The following FBN2 variants were observed in gnomAD, a reference collection of about 807,000 sequenced individuals.
The protein encoded by FBN2 is fibrillin 2, also known as fibrillin-2.
FBN2 carries 105 observed loss-of-function variants against 355.6 expected under a neutral mutation model. The observed-to-expected ratio is 0.30, with a 90% CI of 0.25 to 0.35. FBN2 has a LOEUF of 0.35. Among genes scored for constraint, FBN2 ranks in the 10% least tolerant of loss-of-function variants. FBN2 has a pLI of 1.00. For missense variants in FBN2, 3,280 were observed against 3,758.7 expected, an observed-to-expected ratio of 0.87 and a Z score of 3.33; for synonymous variants, 1,350 against 1,301.2, an observed-to-expected ratio of 1.04 and a Z score of -0.81.
chr5:128,309,732 A>G (rs1749980995), intron 40 of FBN2, among the ~76,000 whole-genome samples: 1 of 152,192 alleles, frequency 6.6e-6, no homozygotes, highest in Admixed American at 6.5e-5. Flanking sequence ...CACTATATGA[A>G]TGGAGATGAA....
intron 7 of FBN2, among the ~76,000 whole-genome samples, chr5:128,426,309 T>C (rs1753482409): frequency 6.6e-6 from 1 of 152,198 alleles, no homozygotes; most frequent in Non-Finnish European, 1.5e-5. Context: ...AAAACCTTCA[T>C]ATTTGAAATT....
At chr5:128,532,126 C>T (rs977069876) in intron 2 of FBN2, among the ~76,000 whole-genome samples, 4 of 152,188 alleles carry the variant, frequency 2.6e-5, no homozygotes, top group African/African-American at 4.8e-5. Context: ...AAGGGTTCCA[C>T]ACACATTCCT....
At chr5:128,443,869 T>C (rs1348979378) in intron 7 of FBN2, among the ~76,000 whole-genome samples, 1 of 152,136 alleles carries the variant, frequency 6.6e-6, no homozygotes, top group Non-Finnish European at 1.5e-5. Context: ...GTAATTGCTA[T>C]AGTTATATTT....
In FBN2 at chr5:128,378,837, G is replaced by A; in HGVS notation, c.1657C>T (p.Pro553Ser). The A allele has an allele frequency of 6.2e-7, 1 of 1,613,088 alleles. No individual in the cohort carries two copies. Among genetic ancestry groups the A allele is most frequent in the Non-Finnish European group, 8.5e-7 (1 of 1,179,252 alleles). The change falls in exon 12 of 65, where the codon CCT becomes TCT. Residue 553 changes from proline to serine, a missense_variant. Physicochemically the swap from Pro to Ser is moderately conservative, Grantham distance 74. Transcript: ENST00000262464. ...PCTNGDCVNTPGSYYCKCHAG... is the reference protein window; with the variant it reads ...PCTNGDCVNTSGSYYCKCHAG... ...TGACATTTACAATAATAGGAACCAG[G>A]TGTGTTAACACAATCTCCATTAGTG...
chr5:128,303,872 CAAG>C (rs1197371662), intron 45 of FBN2, among the ~76,000 whole-genome samples: 1 of 152,082 alleles, frequency 6.6e-6, no homozygotes, highest in Non-Finnish European at 1.5e-5. Context: ...GGGAGTACAG[CAAG>C]AAGAAGCATG....
rs562910107 is a variant in FBN2, at chr5:128,444,256, TAG to T, written c.952+2223_952+2224del. On this transcript the variant is annotated intron_variant, in intron 7 of 64. Transcript: ENST00000262464. Reference sequence around the variant, plus strand: ...CCCGGCTAATTTTTTGTATTTTTAGTAGAGACAGGGTTTCACCTTGTTAGCCA... The same window carrying T: ...CCCGGCTAATTTTTTGTATTTTTAGTAGACAGGGTTTCACCTTGTTAGCCA... Among the ~76,000 whole-genome samples the T allele has an allele frequency of 1.9e-3, 282 of 151,424 alleles. 2 individuals are homozygous for T. Among genetic ancestry groups the T allele is most frequent in the Admixed American group, 3.3e-3 (50 of 15,208 alleles).
At chr5:128,392,988 G>C (rs1752557387) in intron 10 of FBN2, 147 bp downstream of exon 10, 2 of 686,616 alleles carry the variant, frequency 2.9e-6, no homozygotes, top group Non-Finnish European at 5.2e-6. Flanking sequence ...TTTTCCCTCT[G>C]TCTCTCTCTC....
At chr5:128,473,796 G>A (rs1019502911) in intron 5 of FBN2, among the ~76,000 whole-genome samples, 1 of 152,146 alleles carries the variant, frequency 6.6e-6, no homozygotes, top group African/African-American at 2.4e-5. Flanking sequence ...GTTACACCAG[G>A]GAGAAATTAT....
chr5:128,496,613 C>G (rs567948091), intron 5 of FBN2, among the ~76,000 whole-genome samples: 1 of 152,170 alleles, frequency 6.6e-6, no homozygotes, highest in South Asian at 2.1e-4. Flanking sequence ...GAAATCTGAT[C>G]TTGCCACTTC....
At chr5:128,319,629 C>T (rs1215291901) in intron 34 of FBN2, among the ~76,000 whole-genome samples, 2 of 151,666 alleles carry the variant, frequency 1.3e-5, no homozygotes, top group South Asian at 2.1e-4. Flanking sequence ...TAATTTCTTC[C>T]CTAATTTCAT....
chr5:128,533,926 G>A (rs1756779637), intron 2 of FBN2, among the ~76,000 whole-genome samples: 1 of 151,298 alleles, frequency 6.6e-6, no homozygotes, highest in African/African-American at 2.4e-5. Flanking sequence ...AAGTTTGGAA[G>A]TACTTCAGTA....
At chr5:128,351,983 G>A (rs578026676) in intron 20 of FBN2, among the ~76,000 whole-genome samples, 12 of 151,498 alleles carry the variant, frequency 7.9e-5, no homozygotes, top group Non-Finnish European at 1.5e-4. Context: ...AGATTTTATC[G>A]TATAAAATCC....
intron 42 of FBN2, 84 bp downstream of exon 42, chr5:128,307,051 C>A (rs902862588): frequency 2.4e-5 from 21 of 883,480 alleles, no homozygotes; most frequent in Middle Eastern, 2.9e-4. Context: ...TTTTGTGGTA[C>A]TCTTGAATTT....
intron 6 of FBN2, among the ~76,000 whole-genome samples, chr5:128,453,990 G>A (rs958003917): frequency 1.4e-5 from 2 of 144,924 alleles, no homozygotes; most frequent in African/African-American, 2.5e-5. Context: ...GAAATGGCTT[G>A]CCCCCCCCCC....
chr5:128,369,373 A>G (rs536728997), intron 15 of FBN2, 39 bp from the exon 16 acceptor site: 1 of 1,609,186 alleles, frequency 6.2e-7, no homozygotes, highest in South Asian at 1.1e-5. Context: ...AGGCAGTGAT[A>G]GAGACAAAGA....
rs186057435 is a variant in FBN2, at chr5:128,391,030, A to G, written c.1603+988T>C. Among the ~76,000 whole-genome samples, 25 of 152,322 alleles carry G rather than the reference A, an allele frequency of 1.6e-4. 1 individual carries two copies. The highest frequency in any genetic ancestry group is 5.8e-4 in the African/African-American group (24 of 41,592). The stretch of plus-strand genomic sequence containing the variant: ...AAGATGTGCATAATACAGTGCATCA[A>G]TATATTTCAAATGACCAATGCATGT... On this transcript the variant is annotated intron_variant, in intron 11 of 64. Coordinates refer to ENST00000262464, the MANE Select transcript of FBN2 (RefSeq NM_001999.4).
chr5:128,444,309 A>T (rs1754008230), intron 7 of FBN2, among the ~76,000 whole-genome samples: 1 of 151,322 alleles, frequency 6.6e-6, no homozygotes, highest in Admixed American at 6.6e-5. Flanking sequence ...CCTGACCTCA[A>T]GATCCACCCG....
At chr5:128,403,770 A>T (rs1016142476) in intron 8 of FBN2, among the ~76,000 whole-genome samples, 1 of 152,038 alleles carries the variant, frequency 6.6e-6, no homozygotes, top group African/African-American at 2.4e-5. Flanking sequence ...CTGGATATAT[A>T]AAAAGATGAT....
chr5:128,381,209 T>C (rs1435505419), intron 11 of FBN2, among the ~76,000 whole-genome samples: 1 of 151,880 alleles, frequency 6.6e-6, no homozygotes, highest in Non-Finnish European at 1.5e-5. Context: ...ACTAGGAGAG[T>C]TACAAATTTT....
Sources: allele counts gnomAD v4.1 joint callset (sites outside exome capture counted in the v4.1 genomes callset), GRCh38; gene constraint gnomAD v4.1.1; transcripts MANE v1.5; gene names NCBI Gene and HGNC (gene_info 2026-07-23, HGNC 2026-07-21).